The following TPBG variants were observed in gnomAD, a reference collection of about 807,000 sequenced individuals.
TPBG encodes trophoblast glycoprotein, also known as 5T4 oncofetal antigen.
TPBG carries 13 observed loss-of-function variants against 19.3 expected under a neutral mutation model. The observed-to-expected ratio is 0.67, with a 90% CI of 0.44 to 1.07. The LOEUF (loss-of-function observed/expected upper bound fraction) is 1.07. Ranked by LOEUF, TPBG falls within the 50% of genes least tolerant of loss-of-function variation. The probability of loss-of-function intolerance (pLI) is 0.00; values close to 1 mark genes in which losing one functional copy is unlikely to be tolerated. For synonymous variants in TPBG, 338 were observed against 259.8 expected (o/e 1.30, Z -2.89); for missense variants, 642 against 559.6 (o/e 1.15, Z -1.49).
At position 82,363,866 on chromosome 6, in the gene TPBG, C is replaced by G. The variant is rs1231222609; in HGVS notation, c.-382C>G. ...GCGGAGCCGGGAAGTCGTCGCTACT[C>G]TGGTGGAACTCAGAGTTGGTTCTGG... On this transcript the variant is annotated 5_prime_UTR_variant, in exon 1 of 2. Transcript: ENST00000369750. 1 of 152,576 alleles carries G rather than the reference C, an allele frequency of 6.6e-6. No homozygotes were observed. Among genetic ancestry groups the G allele is most frequent in the Non-Finnish European group, 1.5e-5 (1 of 68,438 alleles). 9.5% of individuals were successfully genotyped at this position (152,576 alleles called of 1,614,324 possible).
Position 82,364,643 on chromosome 6 carries a change from A to AG in TPBG, c.-315dup. Reference sequence around the variant, plus strand: ...CCCAGGTCCCTCAGAGGATCCAGCGAGGGGCGCCAACAAGAGGCGAAGAGG... The same window carrying AG: ...CCCAGGTCCCTCAGAGGATCCAGCGAGGGGGCGCCAACAAGAGGCGAAGAGG... On this transcript the variant is annotated 5_prime_UTR_variant, in exon 2 of 2. Transcript: ENST00000369750. 1 of 339,326 alleles carries AG rather than the reference A, an allele frequency of 2.9e-6. No individual in the cohort carries two copies. The highest frequency in any genetic ancestry group is 5.3e-6 in the Non-Finnish European group (1 of 190,120). 21.0% of individuals were successfully genotyped at this position (339,326 alleles called of 1,614,324 possible).
chr6:82,366,381 C>G lies in TPBG; in HGVS notation c.*157C>G, dbSNP rs1582040348. 1.2e-6 allele frequency: 1 copy of G among 847,460 alleles called. No individual in the cohort carries two copies. Among genetic ancestry groups the G allele is most frequent in the East Asian group, 2.7e-5 (1 of 36,630 alleles). 52.5% of individuals were successfully genotyped at this position (847,460 alleles called of 1,614,324 possible). The stretch of plus-strand genomic sequence containing the variant: ...TTTGCTTCCTTGTTATGTAAAGTTT[C>G]TCGGTGTGTTCTGTTAATGTAAGAC... On this transcript the variant is annotated 3_prime_UTR_variant, in exon 2 of 2. Coordinates refer to ENST00000369750, the MANE Select transcript of TPBG (RefSeq NM_001376922.1).
At chr6:82,364,358 T>A (rs1044434912) in intron 1 of TPBG, 1 of 152,438 alleles carries the variant, frequency 6.6e-6, no homozygotes, top group Non-Finnish European at 1.5e-5. Context: ...ACGAGTCTCC[T>A]CGGGAAAGGC....
In TPBG at chr6:82,365,128, C is replaced by T. The variant is rs764040683; in HGVS notation, c.167C>T (p.Pro56Leu). Residue 56 changes from proline (P) to leucine (L), a missense_variant, in exon 2 of 2, where the codon CCC becomes CTC. By Grantham distance (98) the Pro-to-Leu change is moderately conservative. Transcript: ENST00000369750. ...CTGGCTTCCGCCGTGTCCGCCCAGC[C>T]CCCGCTGCCGGACCAGTGCCCCGCG... ...PFLASAVSAQ[P>L]PLPDQCPALC... The T allele has an allele frequency of 8.7e-6, 14 of 1,600,182 alleles. No individual in the cohort carries two copies. Among genetic ancestry groups the T allele is most frequent in the Non-Finnish European group, 1.2e-5 (14 of 1,174,168 alleles).
upstream of TPBG, chr6:82,363,073 C>T (rs925525773): frequency 1.2e-4 from 18 of 152,058 alleles, no homozygotes; most frequent in African/African-American, 3.4e-4. Flanking sequence ...CCGGGAGACT[C>T]AAGTCTTTGC....
At position 82,364,935 on chromosome 6, in the gene TPBG, C is replaced by T; in HGVS notation, c.-27C>T. On this transcript the variant is annotated 5_prime_UTR_variant, in exon 2 of 2. Coordinates refer to ENST00000369750, the MANE Select transcript of TPBG (RefSeq NM_001376922.1). The stretch of plus-strand genomic sequence containing the variant: ...GCCTTCGGAGCGGGCGCCGTCCCAG[C>T]CCAGCTCCGGGGAAACGCGAGCCGC... 3 of 1,445,456 alleles carry T rather than the reference C, an allele frequency of 2.1e-6. No individual in the cohort carries two copies. The highest frequency in any genetic ancestry group is 2.7e-6 in the Non-Finnish European group (3 of 1,104,170). 89.5% of individuals were successfully genotyped at this position (1,445,456 alleles called of 1,614,324 possible). A position where few individuals can be genotyped will look rare whatever the true frequency, so the allele number is the denominator to read the frequency against.
At position 82,366,964 on chromosome 6, in the gene TPBG, T is replaced by C. The variant is rs546165380; in HGVS notation, c.*740T>C. Reference sequence around the variant, plus strand: ...GTGCAAGTTTGCTTTGAAAAAAGGATGAAGGGCAGGAGTATTCAATGGTCT... The same window carrying C: ...GTGCAAGTTTGCTTTGAAAAAAGGACGAAGGGCAGGAGTATTCAATGGTCT... On this transcript the variant is annotated 3_prime_UTR_variant, in exon 2 of 2. Transcript: ENST00000369750. The C allele has an allele frequency of 4.8e-5, 8 of 166,978 alleles. No homozygotes were observed. Among genetic ancestry groups the C allele is most frequent in the African/African-American group, 1.9e-4 (8 of 41,516 alleles). The allele number at this position is 166,978 out of a possible 1,614,324, so 10.3% of individuals were successfully genotyped here.
At position 82,365,355 on chromosome 6, in the gene TPBG, G is replaced by A. The variant is rs576896099; in HGVS notation, c.394G>A (p.Glu132Lys). The change falls in exon 2 of 2, where the codon GAG becomes AAG. Residue 132 changes from glutamate to lysine, a missense_variant. Physicochemically the swap from Glu to Lys is moderately conservative, Grantham distance 56 (BLOSUM62 1). Transcript: ENST00000369750. ...CAACCTCAGCGGCAGCCGCCTGGAC[G>A]AGGTGCGCGCGGGCGCCTTCGAGCA... The part of the protein sequence containing the change: ...ALNLSGSRLD[E>K]VRAGAFEHLP... 1 of 1,582,308 alleles carries A rather than the reference G, an allele frequency of 6.3e-7. No homozygotes were observed. Among genetic ancestry groups the A allele is most frequent in the Non-Finnish European group, 8.5e-7 (1 of 1,170,866 alleles).
chr6:82,366,079 T>C lies in TPBG; in HGVS notation c.1118T>C (p.Val373Ala). 1 of 1,614,174 alleles carries C rather than the reference T, an allele frequency of 6.2e-7. No individual in the cohort carries two copies. ...CTGATAGGCGCTATTTTCCTCCTGG[T>C]TTTGTATTTGAACCGCAAGGGGATA... ...LALIGAIFLL[V>A]LYLNRKGIKK... Residue 373 changes from valine (V) to alanine (A), a missense_variant, in exon 2 of 2, where the codon GTT (valine) becomes GCT (alanine). Val to Ala is a moderately conservative substitution (Grantham distance 64). Transcript: ENST00000369750.
At position 82,365,866 on chromosome 6, in the gene TPBG, T is replaced by A; in HGVS notation, c.905T>A (p.Met302Lys). 1 of 1,614,174 alleles carries A rather than the reference T, an allele frequency of 6.2e-7. No homozygotes were observed. Among genetic ancestry groups the A allele is most frequent in the Non-Finnish European group, 8.5e-7 (1 of 1,180,040 alleles). The change falls in exon 2 of 2, where the codon ATG (methionine) becomes AAG (lysine). Residue 302 changes from methionine to lysine, a missense_variant. Physicochemically the swap from Met to Lys is moderately conservative, Grantham distance 95. Transcript: ENST00000369750. ...AATCCCTGGGTCTGCGACTGCCACA[T>A]GGCAGACATGGTGACCTGGCTCAAG... ...DNNPWVCDCH[M>K]ADMVTWLKET... is the part of the protein sequence containing the mutation.
chr6:82,364,176 C>A (rs190791819), intron 1 of TPBG: 1 of 152,358 alleles, frequency 6.6e-6, no homozygotes, highest in Non-Finnish European at 1.5e-5. Flanking sequence ...TCAAAAAGTC[C>A]TGTAACCTGA....
Position 82,364,683 on chromosome 6 carries a change from C to A in TPBG, c.-279C>A, listed in dbSNP as rs1043281722. On this transcript the variant is annotated 5_prime_UTR_variant, in exon 2 of 2. Coordinates refer to ENST00000369750, the MANE Select transcript of TPBG (RefSeq NM_001376922.1). ...AGGCGAAGAGGTGGCACCAGGGCGG[C>A]GGCAGGAAGAGGAGCGGGAGCAGGA... is the stretch of plus-strand genomic sequence containing the variant. The A allele has an allele frequency of 2.5e-6, 1 of 400,446 alleles. No individual in the cohort carries two copies. The highest frequency in any genetic ancestry group is 4.4e-6 in the Non-Finnish European group (1 of 228,976). The allele number at this position is 400,446 out of a possible 1,614,324, so 24.8% of individuals were successfully genotyped here.
In TPBG at chr6:82,365,413, A is replaced by C. The variant is rs1217002685; in HGVS notation, c.452A>C (p.His151Pro). ...AGCCTGCGCCAGCTCGACCTCAGCC[A>C]CAACCCACTGGCCGACCTCAGTCCC... ...LPSLRQLDLS[H>P]NPLADLSPFA... The change falls in exon 2 of 2, where the codon CAC becomes CCC. Residue 151 changes from histidine to proline, a missense_variant. Physicochemically the swap from His to Pro is moderately conservative, Grantham distance 77. Transcript: ENST00000369750. 1.2e-6 allele frequency: 2 copies of C among 1,607,552 alleles called. No homozygotes were observed. The highest frequency in any genetic ancestry group is 1.3e-5 in the African/African-American group (1 of 74,712).
intron 1 of TPBG, 105 bp from the exon 2 acceptor site, chr6:82,364,518 G>T (rs1030067215): frequency 4.3e-5 from 7 of 161,052 alleles, no homozygotes; most frequent in Non-Finnish European, 8.1e-5. Context: ...TTGGAAGGAG[G>T]TCTCTGGGAC....
rs1343648426 is a variant in TPBG, at chr6:82,364,944, G to A, written c.-18G>A. The A allele has an allele frequency of 6.8e-7, 1 of 1,461,830 alleles. No homozygotes were observed. Among genetic ancestry groups the A allele is most frequent in the Admixed American group, 2.6e-5 (1 of 37,920 alleles). 90.6% of individuals were successfully genotyped at this position (1,461,830 alleles called of 1,614,324 possible). A position where few individuals can be genotyped will look rare whatever the true frequency, so the allele number is the denominator to read the frequency against. ...GCGGGCGCCGTCCCAGCCCAGCTCC[G>A]GGGAAACGCGAGCCGCGATGCCTGG... is the stretch of plus-strand genomic sequence containing the variant. On this transcript the variant is annotated 5_prime_UTR_variant, in exon 2 of 2. Transcript: ENST00000369750.
Position 82,366,054 on chromosome 6 carries a change from C to T in TPBG, c.1093C>T (p.Leu365=), listed in dbSNP as rs748268050. The T allele has an allele frequency of 1.5e-5, 24 of 1,614,014 alleles. 1 individual carries two copies. In the South Asian group the frequency reaches 2.3e-4, roughly 16 times the overall value. ...TGTCTTCCTGGGTATTGTTTTAGCC[C>T]TGATAGGCGCTATTTTCCTCCTGGT... ...SYVFLGIVLA[L]IGAIFLLVLY... The change falls in exon 2 of 2, where the codon CTG becomes TTG. Residue 365 remains leucine, a synonymous_variant. Coordinates refer to ENST00000369750, the MANE Select transcript of TPBG (RefSeq NM_001376922.1).
At position 82,365,331 on chromosome 6, in the gene TPBG, A is replaced by C; in HGVS notation, c.370A>C (p.Asn124His). 6.3e-7 allele frequency: 1 copy of C among 1,577,452 alleles called. No individual in the cohort carries two copies. The highest frequency in any genetic ancestry group is 8.5e-7 in the Non-Finnish European group (1 of 1,169,718). ...RPPLAELAAL[N>H]LSGSRLDEVR... ...GCCGCTGGCGGAGCTGGCCGCGCTC[A>C]ACCTCAGCGGCAGCCGCCTGGACGA... is the stretch of plus-strand genomic sequence containing the variant. Residue 124 changes from asparagine to histidine, a missense_variant, in exon 2 of 2, where the codon AAC (asparagine) becomes CAC (histidine). Coordinates refer to ENST00000369750, the MANE Select transcript of TPBG (RefSeq NM_001376922.1).
At position 82,366,361 on chromosome 6, in the gene TPBG, T is replaced by A; in HGVS notation, c.*137T>A. On this transcript the variant is annotated 3_prime_UTR_variant, in exon 2 of 2. Transcript: ENST00000369750. ...ACTAAAAGCAGTGAAGGGGATTTGC[T>A]TCCTTGTTATGTAAAGTTTCTCGGT... The A allele has an allele frequency of 9.9e-7, 1 of 1,007,466 alleles. No individual in the cohort carries two copies. 62.4% of individuals were successfully genotyped at this position (1,007,466 alleles called of 1,614,324 possible). A position where few individuals can be genotyped will look rare whatever the true frequency, so the allele number is the denominator to read the frequency against.
rs1159048899 is a variant in TPBG at position 82,365,436 on chromosome 6, C to T, written c.475C>T (p.Pro159Ser). Reference sequence around the variant, plus strand: ...CCACAACCCACTGGCCGACCTCAGTCCCTTCGCTTTCTCGGGCAGCAATGC... The same window carrying T: ...CCACAACCCACTGGCCGACCTCAGTTCCTTCGCTTTCTCGGGCAGCAATGC... The part of the protein sequence containing the change: ...LSHNPLADLS[P>S]FAFSGSNASV... The change falls in exon 2 of 2, where the codon CCC (proline) becomes TCC (serine). Residue 159 changes from proline (P) to serine (S), a missense_variant. By Grantham distance (74) the Pro-to-Ser change is moderately conservative (BLOSUM62 -1). Coordinates refer to ENST00000369750, the MANE Select transcript of TPBG (RefSeq NM_001376922.1). 6.2e-7 allele frequency: 1 copy of T among 1,611,162 alleles called. No individual in the cohort carries two copies. Among genetic ancestry groups the T allele is most frequent in the East Asian group, 2.2e-5 (1 of 44,838 alleles).
Sources: allele counts gnomAD v4.1 joint callset, GRCh38; gene constraint gnomAD v4.1.1; transcripts MANE v1.5; gene names NCBI Gene and HGNC (gene_info 2026-07-23, HGNC 2026-07-21).